GLIS3: variants seen among roughly 807,000 people sequenced by gnomAD.
The protein encoded by GLIS3 is zinc finger protein GLIS3.
In GLIS3, 53 loss-of-function variants were observed where a neutral mutation model predicts 78.6. That is an observed-to-expected ratio of 0.67 (90% CI 0.54 to 0.85). The LOEUF is 0.85. GLIS3 is among the 40% of genes least tolerant of loss of function. The pLI is 0.00. For synonymous variants in GLIS3, 684 were observed against 509.9 expected, an observed-to-expected ratio of 1.34 and a Z score of -4.60; for missense variants, 1,703 against 1,231.1, an observed-to-expected ratio of 1.38 and a Z score of -5.74.
In GLIS3 at chr9:3,826,010, G is replaced by C. The variant is rs142351159; in HGVS notation, c.*2262C>G. Reference sequence around the variant, plus strand: ...ACTGTGAGAGGCCACAGGAAGACTGGAGCCTGGTTCACAAGCAGCTCCTCT... The same window carrying C: ...ACTGTGAGAGGCCACAGGAAGACTGCAGCCTGGTTCACAAGCAGCTCCTCT... On this transcript the variant is annotated 3_prime_UTR_variant, in exon 11 of 11. Transcript: ENST00000381971. 6.6e-6 allele frequency: 1 copy of C among 152,306 alleles called. No individual in the cohort carries two copies. The highest frequency in any genetic ancestry group is 1.9e-4 in the East Asian group (1 of 5,178). 9.4% of individuals were successfully genotyped at this position (152,306 alleles called of 1,614,324 possible). A position where few individuals can be genotyped will look rare whatever the true frequency, so the allele number is the denominator to read the frequency against.
At chr9:4,054,313 G>A (rs2130501164) in intron 4 of GLIS3, 1 of 984,606 alleles carries the variant, frequency 1.0e-6, no homozygotes, top group South Asian at 4.7e-5. Context: ...CTCTACAGAT[G>A]TTTCCACAAC....
chr9:3,836,590 C>T (rs1161712076), intron 9 of GLIS3, among the ~76,000 whole-genome samples: 1 of 152,148 alleles, frequency 6.6e-6, no homozygotes, highest in African/African-American at 2.4e-5. Context: ...CTTGGCCTAC[C>T]ACCTTTGAAT....
the GLIS3 span, among the ~76,000 whole-genome samples, chr9:4,418,597 G>A: frequency 6.6e-6 from 1 of 152,094 alleles, no homozygotes; most frequent in Non-Finnish European, 1.5e-5. Context: ...TACTCAGGAG[G>A]CTGAGGCAGG....
chr9:4,422,319 G>T, the GLIS3 span, among the ~76,000 whole-genome samples: 2 of 152,228 alleles, frequency 1.3e-5, no homozygotes, highest in Admixed American at 6.5e-5. Context: ...GGCACAAAAT[G>T]ATTATGAATC....
chr9:3,890,434 G>A (rs1822352048), intron 7 of GLIS3, among the ~76,000 whole-genome samples: 1 of 152,088 alleles, frequency 6.6e-6, no homozygotes, highest in Admixed American at 6.6e-5. Context: ...ATGGATAGAA[G>A]GGGTTCTATT....
chr9:4,168,311 G>C (rs1321602510), intron 2 of GLIS3, among the ~76,000 whole-genome samples: 2 of 151,978 alleles, frequency 1.3e-5, no homozygotes, highest in African/African-American at 4.8e-5. Flanking sequence ...ATACATATAA[G>C]ACAAGTCATG....
chr9:4,161,551 T>C (rs1166951463), intron 2 of GLIS3, among the ~76,000 whole-genome samples: 1 of 152,066 alleles, frequency 6.6e-6, no homozygotes, highest in Non-Finnish European at 1.5e-5. Context: ...CCAGTTATTA[T>C]GGTAAGAAGC....
the GLIS3 span, among the ~76,000 whole-genome samples, chr9:4,377,805 T>C: frequency 6.6e-6 from 1 of 152,192 alleles, no homozygotes; most frequent in Non-Finnish European, 1.5e-5. Flanking sequence ...CAATATTTAC[T>C]GAGTATTACT....
chr9:4,434,483 A>G, the GLIS3 span, among the ~76,000 whole-genome samples: 1 of 152,330 alleles, frequency 6.6e-6, no homozygotes, highest in East Asian at 1.9e-4. Context: ...AGCTTTGGGG[A>G]GAATGAGAAA....
chr9:4,013,170 G>A (rs955009842), intron 4 of GLIS3, among the ~76,000 whole-genome samples: 1 of 152,024 alleles, frequency 6.6e-6, no homozygotes, highest in African/African-American at 2.4e-5. Flanking sequence ...TTCTCTGGTG[G>A]CCCGTGACAT....
the GLIS3 span, among the ~76,000 whole-genome samples, chr9:4,451,640 C>A: frequency 6.6e-6 from 1 of 152,124 alleles, no homozygotes; most frequent in Admixed American, 6.6e-5. Flanking sequence ...AAAATCACGA[C>A]AAACTGTCTC....
intron 4 of GLIS3, among the ~76,000 whole-genome samples, chr9:4,003,872 T>G (rs780447187): frequency 1.3e-5 from 2 of 152,204 alleles, no homozygotes; most frequent in Non-Finnish European, 2.9e-5. Flanking sequence ...CCCTATGAGA[T>G]TTGAGATTTG....
chr9:4,156,947 T>C (rs1835087494), intron 2 of GLIS3, among the ~76,000 whole-genome samples: 1 of 152,184 alleles, frequency 6.6e-6, no homozygotes, highest in Non-Finnish European at 1.5e-5. Flanking sequence ...TCACTCCATA[T>C]CTACCGAATC....
intron 2 of GLIS3, among the ~76,000 whole-genome samples, chr9:4,149,968 T>G (rs1834539006): frequency 6.6e-6 from 1 of 152,356 alleles, no homozygotes; most frequent in African/African-American, 2.4e-5. Context: ...CGAAGAGTCT[T>G]GAATGCGCAC....
chr9:4,260,845 CTT>C (rs1825457598), intron 2 of GLIS3, among the ~76,000 whole-genome samples: 1 of 152,332 alleles, frequency 6.6e-6, no homozygotes, highest in South Asian at 2.1e-4. Flanking sequence ...ACCTCTCTCT[CTT>C]TCTCTCCATG....
At chr9:4,012,607 T>C (rs901113113) in intron 4 of GLIS3, among the ~76,000 whole-genome samples, 6 of 152,094 alleles carry the variant, frequency 3.9e-5, no homozygotes, top group African/African-American at 1.4e-4. Flanking sequence ...TGTAAAAACA[T>C]TCTTCCATAC....
At chr9:4,462,765 G>A in the GLIS3 span, among the ~76,000 whole-genome samples, 2 of 152,210 alleles carry the variant, frequency 1.3e-5, no homozygotes, top group East Asian at 3.9e-4. Flanking sequence ...AACCATGGCT[G>A]TGCCCCTGTG....
intron 1 of GLIS3, among the ~76,000 whole-genome samples, chr9:4,295,454 A>AG (rs1388093189): frequency 6.6e-6 from 1 of 152,210 alleles, no homozygotes; most frequent in Non-Finnish European, 1.5e-5. Context: ...TCATCTTTAA[A>AG]GGGGGAGTCC....
chr9:4,300,244 A>G (rs905238358), upstream of GLIS3, among the ~76,000 whole-genome samples: 2 of 119,738 alleles, frequency 1.7e-5, no homozygotes, highest in African/African-American at 5.7e-5. Context: ...ACACACACAC[A>G]CACTCCCCGT....
Sources: allele counts gnomAD v4.1 joint callset (sites outside exome capture counted in the v4.1 genomes callset), GRCh38; gene constraint gnomAD v4.1.1; transcripts MANE v1.5; gene names NCBI Gene and HGNC (gene_info 2026-07-23, HGNC 2026-07-21).